The following IKZF1 variants were observed in gnomAD, a reference collection of about 807,000 sequenced individuals.
The protein encoded by IKZF1 is DNA-binding protein Ikaros.
IKZF1 carries 10 observed loss-of-function variants against 51.7 expected under a neutral mutation model. The ratio of observed to expected loss-of-function variants is 0.19; its 90% CI spans 0.12 to 0.33. The LOEUF (loss-of-function observed/expected upper bound fraction) is 0.33. Among genes scored for constraint, IKZF1 ranks in the 10% least tolerant of loss-of-function variants. IKZF1 has a pLI of 1.00. For synonymous variants in IKZF1, 280 were observed against 282.3 expected, an observed-to-expected ratio of 0.99 and a Z score of 0.08; for missense variants, 484 against 707.5, an observed-to-expected ratio of 0.68 and a Z score of 3.58.
chr7:50,341,181 C>A (rs1473597493), intron 3 of IKZF1, among the ~76,000 whole-genome samples: 1 of 138,160 alleles, frequency 7.2e-6, no homozygotes, highest in African/African-American at 2.7e-5. Flanking sequence ...TTTCACTCTG[C>A]AGCCCAGGCT....
At chr7:50,313,438 A>G (rs1308370969) in intron 1 of IKZF1, among the ~76,000 whole-genome samples, 1 of 152,226 alleles carries the variant, frequency 6.6e-6, no homozygotes, top group African/African-American at 2.4e-5. Flanking sequence ...ACTTTACTGT[A>G]GAAGTTTTAT....
chr7:50,365,652 T>C (rs1806679733), intron 3 of IKZF1, among the ~76,000 whole-genome samples: 1 of 152,178 alleles, frequency 6.6e-6, no homozygotes, highest in Non-Finnish European at 1.5e-5. Flanking sequence ...GGTGAGGTTG[T>C]AGAGAAAAAG....
chr7:50,347,564 C>A (rs1431833828), intron 3 of IKZF1, among the ~76,000 whole-genome samples: 5 of 152,206 alleles, frequency 3.3e-5, no homozygotes, highest in Admixed American at 3.3e-4. Context: ...GCCATTGTCT[C>A]CCCAGGAGCC....
At chr7:50,316,282 A>T (rs533729963) in intron 1 of IKZF1, among the ~76,000 whole-genome samples, 1 of 152,164 alleles carries the variant, frequency 6.6e-6, no homozygotes. Flanking sequence ...AAGCAAAGAG[A>T]TCCCCTAAGC....
At chr7:50,361,170 G>A (rs2153447483) in intron 3 of IKZF1, among the ~76,000 whole-genome samples, 2 of 152,188 alleles carry the variant, frequency 1.3e-5, no homozygotes, top group Non-Finnish European at 1.5e-5. Flanking sequence ...TTGCCTGAAT[G>A]TCCCTTTCCC....
chr7:50,327,653 C>G lies in IKZF1; in HGVS notation c.56C>G (p.Pro19Arg). ...MSQVSGKESP[P>R]VSDTPDEGDE... is the part of the protein sequence containing the mutation. ...TTCTCATCAGGGAAGGAAAGCCCCC[C>G]TGTAAGCGATACTCCAGATGAGGGC... is the stretch of plus-strand genomic sequence containing the variant. The change falls in exon 3 of 8, where the codon CCT (proline) becomes CGT (arginine). Residue 19 changes from proline to arginine, a missense_variant. Coordinates refer to ENST00000331340, the MANE Select transcript of IKZF1 (RefSeq NM_006060.6). The G allele has an allele frequency of 6.2e-7, 1 of 1,612,892 alleles. No individual in the cohort carries two copies. The highest frequency in any genetic ancestry group is 8.5e-7 in the Non-Finnish European group (1 of 1,179,404).
intron 3 of IKZF1, chr7:50,368,858 A>G (rs111974624): frequency 2.4e-4 from 53 of 221,736 alleles, no homozygotes; most frequent in Middle Eastern, 1.4e-3. Flanking sequence ...AACAGGTCGC[A>G]TTTGTTAACA....
intron 3 of IKZF1, among the ~76,000 whole-genome samples, chr7:50,356,372 ACTTGTTACTGTC>A (rs1354742891): frequency 6.6e-6 from 1 of 152,156 alleles, no homozygotes; most frequent in African/African-American, 2.4e-5. Flanking sequence ...CATAGAGTGA[ACTTGTTACTGTC>A]CCTCCAAGGC....
intron 3 of IKZF1, among the ~76,000 whole-genome samples, chr7:50,373,264 C>G (rs941664923): frequency 6.6e-6 from 1 of 152,234 alleles, no homozygotes; most frequent in African/African-American, 2.4e-5. Context: ...TGCTGTTCTG[C>G]TCCCCACCTG....
Position 50,400,702 on chromosome 7 carries a change from G to T in IKZF1, c.*75G>T. On this transcript the variant is annotated 3_prime_UTR_variant, in exon 8 of 8. Transcript: ENST00000331340. The surrounding 1 kb of genome is among the most constrained non-coding windows in gnomAD (Gnocchi z 5.4). ...CAAGGACTGCCGCCTTCTCGCTCCC[G>T]CCAGCAGCATAGACTGGACTGGACC... 2 of 1,492,468 alleles carry T rather than the reference G, an allele frequency of 1.3e-6. No homozygotes were observed. Among genetic ancestry groups the T allele is most frequent in the South Asian group, 1.2e-5 (1 of 83,344 alleles). The allele number at this position is 1,492,468 out of a possible 1,614,324, so 92.5% of individuals were successfully genotyped here.
chr7:50,372,094 C>G (rs951949634), intron 3 of IKZF1, among the ~76,000 whole-genome samples: 2 of 152,192 alleles, frequency 1.3e-5, no homozygotes, highest in African/African-American at 4.8e-5. Context: ...AAGATAGTTT[C>G]AAGCCCTGAT....
At chr7:50,367,774 T>A in intron 3 of IKZF1, 1 of 505,404 alleles carries the variant, frequency 2.0e-6, no homozygotes, top group South Asian at 2.3e-5. Context: ...TCCAAACCAC[T>A]TTATGGGATA....
chr7:50,306,283 A>G (rs1020012575), intron 1 of IKZF1, among the ~76,000 whole-genome samples: 4 of 152,206 alleles, frequency 2.6e-5, no homozygotes, highest in African/African-American at 9.7e-5. Context: ...CACCATGAAC[A>G]TATTTCATAC....
At chr7:50,387,760 T>A (rs1813833942) in intron 6 of IKZF1, among the ~76,000 whole-genome samples, 1 of 152,204 alleles carries the variant, frequency 6.6e-6, no homozygotes, top group African/African-American at 2.4e-5. Flanking sequence ...TTGGGGTTGT[T>A]TTTTGGATGT....
intron 3 of IKZF1, among the ~76,000 whole-genome samples, chr7:50,329,994 G>A (rs902159684): frequency 3.9e-5 from 6 of 152,298 alleles, no homozygotes; most frequent in Admixed American, 2.6e-4. Flanking sequence ...GTCCCTTACG[G>A]ACGTCATATT....
chr7:50,356,957 G>A (rs1016665999), intron 3 of IKZF1, among the ~76,000 whole-genome samples: 7 of 151,924 alleles, frequency 4.6e-5, no homozygotes, highest in Admixed American at 3.9e-4. Context: ...CTGGGGTCTC[G>A]TGGTCGCTGG....
chr7:50,392,230 T>C (rs1358177988), intron 7 of IKZF1, among the ~76,000 whole-genome samples: 1 of 152,118 alleles, frequency 6.6e-6, no homozygotes, highest in African/African-American at 2.4e-5. Context: ...TTCTCAGAGC[T>C]TCAGATCCTC....
chr7:50,340,054 C>CAGTT (rs1246695009), intron 3 of IKZF1, among the ~76,000 whole-genome samples: 1 of 152,176 alleles, frequency 6.6e-6, no homozygotes, highest in Admixed American at 6.5e-5. Flanking sequence ...GTGGCCTGTG[C>CAGTT]AGTTCTCCCT....
At chr7:50,305,454 G>A (rs1278342181) in intron 1 of IKZF1, among the ~76,000 whole-genome samples, 1 of 152,090 alleles carries the variant, frequency 6.6e-6, no homozygotes, top group South Asian at 2.1e-4. Context: ...GGTTACTTGC[G>A]GTTATATTTG....
Sources: allele counts gnomAD v4.1 joint callset (sites outside exome capture counted in the v4.1 genomes callset), GRCh38; gene constraint gnomAD v4.1.1; non-coding constraint Gnocchi (gnomAD v3.1); transcripts MANE v1.5; gene names NCBI Gene and HGNC (gene_info 2026-07-23, HGNC 2026-07-21).